Variants in RUNX2 observed in about 807,000 individuals in gnomAD.
RUNX2 encodes the protein runt-related transcription factor 2.
RUNX2 carries 10 observed loss-of-function variants against 51.7 expected under a neutral mutation model. That is an observed-to-expected ratio of 0.19 (90% CI 0.12 to 0.33). The LOEUF (loss-of-function observed/expected upper bound fraction) is 0.33, where lower values mean the gene tolerates loss of function less well. RUNX2 is among the 10% of genes least tolerant of loss of function. The pLI, the probability that RUNX2 is intolerant of heterozygous loss-of-function variation, is 1.00. For synonymous variants in RUNX2, 276 were observed against 273.6 expected (o/e 1.01, Z -0.09); for missense variants, 562 against 691.3 (o/e 0.81, Z 2.10).
chr6:45,549,471 C>G lies in RUNX2; in HGVS notation c.*2166C>G. 1 of 397,972 alleles carries G rather than the reference C, an allele frequency of 2.5e-6. No individual in the cohort carries two copies. Among genetic ancestry groups the G allele is most frequent in the Non-Finnish European group, 4.4e-6 (1 of 225,980 alleles). The allele number at this position is 397,972 out of a possible 1,614,324, so 24.7% of individuals were successfully genotyped here. A position where few individuals can be genotyped will look rare whatever the true frequency, so the allele number is the denominator to read the frequency against. On this transcript the variant is annotated 3_prime_UTR_variant, in exon 9 of 9. Coordinates refer to ENST00000647337, the MANE Select transcript of RUNX2 (RefSeq NM_001024630.4). ...CACTTTGCCTTCTAAAGGCCGTATA[C>G]CAAGTATGCTTAGATAAATAAGCCA...
At chr6:45,396,626 A>G (rs182850229) in intron 2 of RUNX2, among the ~76,000 whole-genome samples, 2 of 152,304 alleles carry the variant, frequency 1.3e-5, no homozygotes, top group African/African-American at 4.8e-5. Flanking sequence ...GCCTGCTCTC[A>G]AATTCCTGGG....
intron 2 of RUNX2, among the ~76,000 whole-genome samples, chr6:45,348,512 C>CAAAAA (rs754208599): frequency 4.5e-5 from 5 of 110,366 alleles, no homozygotes; most frequent in Admixed American, 1.0e-4. Flanking sequence ...ACTAAAAATA[C>CAAAAA]AAAAAAAAAA....
chr6:45,426,616 C>T (rs1798389796), intron 3 of RUNX2, among the ~76,000 whole-genome samples: 1 of 152,170 alleles, frequency 6.6e-6, no homozygotes, highest in African/African-American at 2.4e-5. Context: ...GTCTATTCTG[C>T]TGTTTTAAGT....
At chr6:45,508,549 CTCTT>C (rs983120038) in intron 6 of RUNX2, among the ~76,000 whole-genome samples, 3 of 152,066 alleles carry the variant, frequency 2.0e-5, no homozygotes, top group Non-Finnish European at 4.4e-5. Flanking sequence ...TCTTTAGTAA[CTCTT>C]TCTTTAAGTC....
intron 7 of RUNX2, among the ~76,000 whole-genome samples, chr6:45,526,563 A>G (rs1025305119): frequency 6.6e-6 from 1 of 152,258 alleles, no homozygotes; most frequent in Non-Finnish European, 1.5e-5. Context: ...CTCTTAATGA[A>G]ACATTACTGT....
At chr6:45,539,786 C>CCT (rs1554400790) in intron 7 of RUNX2, among the ~76,000 whole-genome samples, 1 of 152,182 alleles carries the variant, frequency 6.6e-6, no homozygotes, top group African/African-American at 2.4e-5. Flanking sequence ...CAGCACCATA[C>CCT]TATAAGGTAG....
chr6:45,395,619 T>C (rs1414608199), intron 2 of RUNX2, among the ~76,000 whole-genome samples: 1 of 152,188 alleles, frequency 6.6e-6, no homozygotes, highest in Non-Finnish European at 1.5e-5. Context: ...TACCTTACAT[T>C]ATAAACTATA....
At chr6:45,346,498 C>G (rs1014178504) in intron 2 of RUNX2, among the ~76,000 whole-genome samples, 1 of 151,980 alleles carries the variant, frequency 6.6e-6, no homozygotes, top group African/African-American at 2.4e-5. Context: ...TCCCTCTCTC[C>G]CACTCTTACT....
chr6:45,402,495 A>G (rs1797733356), intron 2 of RUNX2, among the ~76,000 whole-genome samples: 7 of 152,246 alleles, frequency 4.6e-5, no homozygotes, highest in Admixed American at 4.6e-4. Flanking sequence ...AGGAATTTTT[A>G]TAGAGCTTCC....
intron 2 of RUNX2, among the ~76,000 whole-genome samples, chr6:45,418,196 G>A (rs1798105690): frequency 6.6e-6 from 1 of 152,108 alleles, no homozygotes; most frequent in Non-Finnish European, 1.5e-5. Context: ...AATAATGTAT[G>A]GGGGTTAGAA....
intron 5 of RUNX2, among the ~76,000 whole-genome samples, chr6:45,463,554 T>C (rs942544257): frequency 2.6e-5 from 4 of 152,226 alleles, no homozygotes; most frequent in Admixed American, 2.6e-4. Flanking sequence ...CTAAAACTGA[T>C]GGATTTTCTC....
chr6:45,532,674 A>G (rs1801899351), intron 7 of RUNX2, among the ~76,000 whole-genome samples: 1 of 152,170 alleles, frequency 6.6e-6, no homozygotes, highest in Non-Finnish European at 1.5e-5. Flanking sequence ...TCCTTATGAA[A>G]AGATTAAATA....
intron 5 of RUNX2, among the ~76,000 whole-genome samples, chr6:45,483,908 G>A (rs2150401662): frequency 6.6e-6 from 1 of 152,378 alleles, no homozygotes; most frequent in South Asian, 2.1e-4. Context: ...CATTGGAAAT[G>A]AGAGTGACAA....
chr6:45,544,180 T>C (rs1449030845), intron 7 of RUNX2, among the ~76,000 whole-genome samples: 2 of 152,086 alleles, frequency 1.3e-5, no homozygotes, highest in African/African-American at 4.8e-5. Context: ...TGCCTAGAAG[T>C]GATTGGTTAA....
At chr6:45,492,475 C>T (rs967972848) in intron 6 of RUNX2, among the ~76,000 whole-genome samples, 4 of 152,146 alleles carry the variant, frequency 2.6e-5, no homozygotes, top group African/African-American at 9.7e-5. Context: ...TAGTGTTACC[C>T]TCTCAGATTT....
intron 7 of RUNX2, among the ~76,000 whole-genome samples, chr6:45,516,293 T>C (rs1037377677): frequency 6.6e-6 from 1 of 152,192 alleles, no homozygotes; most frequent in African/African-American, 2.4e-5. Flanking sequence ...TCCTTAACAT[T>C]GGGTAGCCTT....
chr6:45,334,038 T>G (rs564177248), intron 2 of RUNX2, among the ~76,000 whole-genome samples: 1 of 151,432 alleles, frequency 6.6e-6, no homozygotes, highest in East Asian at 1.9e-4. Flanking sequence ...TTAACATTAT[T>G]CCCAGAAATA....
intron 2 of RUNX2, among the ~76,000 whole-genome samples, chr6:45,399,000 A>G (rs1423129803): frequency 7.7e-6 from 1 of 130,100 alleles, no homozygotes; most frequent in East Asian, 1.9e-4. Context: ...TGTTTACAAA[A>G]GCAAGCTGTA....
At chr6:45,477,020 T>C (rs1190063591) in intron 5 of RUNX2, among the ~76,000 whole-genome samples, 1 of 152,180 alleles carries the variant, frequency 6.6e-6, no homozygotes, top group African/African-American at 2.4e-5. Context: ...AGAGTTATCC[T>C]TTTTACCATT....
Sources: gnomAD v4.1 joint callset for allele counts (sites outside exome capture counted in the v4.1 genomes callset) on GRCh38, gnomAD v4.1.1 for gene constraint, MANE v1.5 for transcripts, NCBI Gene and HGNC (gene_info 2026-07-23, HGNC 2026-07-21) for gene names.